Variants in NTRK3 observed in about 807,000 individuals in gnomAD.
The protein encoded by NTRK3 is NT-3 growth factor receptor.
In NTRK3, 24 loss-of-function variants were observed where a neutral mutation model predicts 91.7. The ratio of observed to expected loss-of-function variants is 0.26; its 90% CI spans 0.19 to 0.37. NTRK3 has a LOEUF of 0.37. Among genes scored for constraint, NTRK3 ranks in the 10% least tolerant of loss-of-function variants. The probability of loss-of-function intolerance (pLI) is 1.00; values close to 1 mark genes in which losing one functional copy is unlikely to be tolerated. For missense variants in NTRK3, 880 were observed against 1,068.9 expected (o/e 0.82, Z 2.46); for synonymous variants, 483 against 404.0 (o/e 1.20, Z -2.34).
exon 19 of NTRK3, chr15:87,862,415 AG>A (rs2141373483): frequency 4.4e-6 from 1 of 227,470 alleles, no homozygotes; most frequent in Non-Finnish European, 8.7e-6. Flanking sequence ...GGGAATGGAA[AG>A]AAAGGGATAA....
chr15:88,028,393 G>C (rs2078225566), intron 14 of NTRK3, among the ~76,000 whole-genome samples: 1 of 152,206 alleles, frequency 6.6e-6, no homozygotes, highest in Non-Finnish European at 1.5e-5. Flanking sequence ...AAGTGACTCG[G>C]ATGCTAAGGA....
rs148954893 is a variant in NTRK3, at chr15:88,034,449, G to A, written c.1397-1404C>T. Among the ~76,000 whole-genome samples, 724 of 152,312 alleles carry A rather than the reference G, an allele frequency of 4.8e-3. 4 individuals carry two copies. The highest frequency in any genetic ancestry group is 7.3e-3 in the Non-Finnish European group (499 of 68,034). On this transcript the variant is annotated intron_variant, in intron 13 of 18. Transcript: ENST00000394480. ...TAGAAGAATGCTTCTGTTTGGTGCC[G>A]TGGTTCTCCCATACATACAAATAAA...
intron 14 of NTRK3, among the ~76,000 whole-genome samples, chr15:87,950,518 G>T (rs1210040771): frequency 5.9e-5 from 9 of 152,338 alleles, no homozygotes; most frequent in African/African-American, 2.2e-4. Context: ...ACCAGGATCA[G>T]AGTAAGGGGA....
At chr15:87,900,630 G>A (rs1465628553) in intron 17 of NTRK3, among the ~76,000 whole-genome samples, 2 of 151,958 alleles carry the variant, frequency 1.3e-5, no homozygotes, top group African/African-American at 2.4e-5. Flanking sequence ...AACACTGAAC[G>A]AAAGCTCAAC....
At chr15:87,891,005 T>C (rs1446774769) in intron 17 of NTRK3, among the ~76,000 whole-genome samples, 2 of 152,190 alleles carry the variant, frequency 1.3e-5, no homozygotes, top group Non-Finnish European at 2.9e-5. Flanking sequence ...TTACAGAGCT[T>C]TTACTTCTTT....
At chr15:87,880,947 G>C (rs2065209744) in intron 17 of NTRK3, among the ~76,000 whole-genome samples, 1 of 152,238 alleles carries the variant, frequency 6.6e-6, no homozygotes, top group Admixed American at 6.5e-5. Flanking sequence ...AGGAGACAGA[G>C]ACATTCCAAA....
intron 13 of NTRK3, among the ~76,000 whole-genome samples, chr15:88,125,332 A>G (rs187559482): frequency 9.5e-4 from 144 of 152,290 alleles, no homozygotes; most frequent in Admixed American, 2.1e-3. Flanking sequence ...CTAAGCCCCA[A>G]GGTCCCCAAC....
intron 6 of NTRK3, among the ~76,000 whole-genome samples, chr15:88,143,724 G>A (rs1268371643): frequency 3.9e-5 from 6 of 152,120 alleles, no homozygotes; most frequent in Admixed American, 3.9e-4. Context: ...ATTGTTTAGT[G>A]ACGTCTCCAA....
intron 18 of NTRK3, among the ~76,000 whole-genome samples, chr15:87,877,958 T>C (rs2141447057): frequency 6.6e-6 from 1 of 152,246 alleles, no homozygotes; most frequent in East Asian, 1.9e-4. Context: ...AAACAAGTAA[T>C]GCATGCCTGG....
At chr15:87,904,019 G>A (rs1411186293) in intron 17 of NTRK3, among the ~76,000 whole-genome samples, 1 of 152,162 alleles carries the variant, frequency 6.6e-6, no homozygotes, top group African/African-American at 2.4e-5. Flanking sequence ...CCTGGACATG[G>A]AAATAAACAG....
Position 87,971,216 on chromosome 15 carries a change from A to G in NTRK3, c.1586-30463T>C, listed in dbSNP as rs185694563. Among the ~76,000 whole-genome samples, 34 of 152,276 alleles carry G rather than the reference A, an allele frequency of 2.2e-4. 1 individual carries two copies. In the East Asian group the frequency reaches 6.4e-3, roughly 29 times the overall value. ...CCTGCTGCCCACTGACAGTGGGAGG[A>G]AACAGACTCAAGTTCTCCCTGGCCA... On this transcript the variant is annotated intron_variant, in intron 14 of 18. Coordinates refer to ENST00000394480, the Ensembl canonical transcript of NTRK3.
At chr15:87,874,385 C>A (rs2064896926) in exon 19 of NTRK3, 1 of 229,708 alleles carries the variant, frequency 4.4e-6, no homozygotes, top group African/African-American at 2.2e-5. Flanking sequence ...AAGGTGGCAG[C>A]AATCTGACAA....
intron 3 of NTRK3, among the ~76,000 whole-genome samples, chr15:88,204,241 A>C (rs1343809492): frequency 6.6e-6 from 1 of 152,160 alleles, no homozygotes; most frequent in Non-Finnish European, 1.5e-5. Context: ...TAATCCCAAC[A>C]ATCTAATGCC....
chr15:88,153,336 G>A (rs1414714914), intron 5 of NTRK3, among the ~76,000 whole-genome samples: 6 of 152,102 alleles, frequency 3.9e-5, no homozygotes, highest in South Asian at 2.1e-4. Flanking sequence ...TCCGCCTCCC[G>A]GGTTGAAGCG....
chr15:88,172,915 C>G (rs2045651233), intron 5 of NTRK3, among the ~76,000 whole-genome samples: 1 of 152,128 alleles, frequency 6.6e-6, no homozygotes, highest in Non-Finnish European at 1.5e-5. Flanking sequence ...TTTACAGGGC[C>G]TCAGAAGAGG....
At chr15:88,145,490 G>A (rs577184498) in intron 6 of NTRK3, among the ~76,000 whole-genome samples, 9 of 152,228 alleles carry the variant, frequency 5.9e-5, no homozygotes, top group African/African-American at 1.9e-4. Flanking sequence ...TAACTCACTG[G>A]TGTATTGATC....
intron 3 of NTRK3, among the ~76,000 whole-genome samples, chr15:88,189,340 G>T (rs2047200199): frequency 6.6e-6 from 1 of 152,164 alleles, no homozygotes; most frequent in African/African-American, 2.4e-5. Context: ...ATGGGACATG[G>T]CATAAATTAA....
In NTRK3 at chr15:88,132,908, T is replaced by C. The variant is rs182079664; in HGVS notation, c.1204+2193A>G. Among the ~76,000 whole-genome samples the C allele has an allele frequency of 1.1e-3, 172 of 152,238 alleles. 1 individual carries two copies. Among genetic ancestry groups the C allele is most frequent in the African/African-American group, 4.0e-3 (166 of 41,528 alleles). The stretch of plus-strand genomic sequence containing the variant: ...GAGGAAATGACCTCAGGTGAGGTGC[T>C]TTCTCTTTGAGTTTCTCTGTGACTC... On this transcript the variant is annotated intron_variant, in intron 10 of 18. Transcript: ENST00000394480.
chr15:88,170,638 T>C (rs2045418641), intron 5 of NTRK3, among the ~76,000 whole-genome samples: 1 of 152,214 alleles, frequency 6.6e-6, no homozygotes, highest in African/African-American at 2.4e-5. Context: ...ACTCTTTCTA[T>C]GTTCCATAAC....
Sources: allele counts gnomAD v4.1 joint callset (sites outside exome capture counted in the v4.1 genomes callset), GRCh38; gene constraint gnomAD v4.1.1; transcripts MANE v1.5; gene names NCBI Gene and HGNC (gene_info 2026-07-23, HGNC 2026-07-21).